SNX8: variants seen among roughly 807,000 people sequenced by gnomAD.
SNX8 encodes the protein sorting nexin 8, also known as sorting nexin-8.
A neutral mutation model predicts 51.6 loss-of-function variants in SNX8; 25 were observed. The ratio of observed to expected loss-of-function variants is 0.48; its 90% confidence interval spans 0.35 to 0.68. The LOEUF (loss-of-function observed/expected upper bound fraction) is 0.68, where lower values mean the gene tolerates loss of function less well. Among genes scored for constraint, SNX8 ranks in the 30% least tolerant of loss-of-function variants. The pLI, the probability that SNX8 is intolerant of heterozygous loss-of-function variation, is 0.00. For synonymous variants in SNX8, 324 were observed against 277.0 expected (o/e 1.17, Z -1.68); for missense variants, 695 against 624.0 (o/e 1.11, Z -1.21).
intron 3 of SNX8, among the ~76,000 whole-genome samples, chr7:2,272,654 G>T (rs532058181): frequency 6.6e-6 from 1 of 152,182 alleles, no homozygotes; most frequent in South Asian, 2.1e-4. Flanking sequence ...GATATTACAG[G>T]CGTAAGCCAC....
chr7:2,284,078 C>T (rs890674060), intron 1 of SNX8, among the ~76,000 whole-genome samples: 72 of 151,986 alleles, frequency 4.7e-4, no homozygotes, highest in Non-Finnish European at 8.8e-4. Flanking sequence ...TACAGGCACC[C>T]GCCACCACGC....
At chr7:2,316,403 A>C (rs35642219), upstream of SNX8, among the ~76,000 whole-genome samples, 37,284 of 146,168 alleles carry the variant, frequency 0.26, 4,784 homozygotes, top group Middle Eastern at 0.46. Flanking sequence ...TCATTCACGC[A>C]ACCACTCACT....
chr7:2,282,280 G>C (rs1795924684), intron 1 of SNX8, among the ~76,000 whole-genome samples: 1 of 152,096 alleles, frequency 6.6e-6, no homozygotes, highest in Non-Finnish European at 1.5e-5. Context: ...TCACAAATTG[G>C]TGCCTTCCAC....
At chr7:2,282,618 A>G (rs1795933041) in intron 1 of SNX8, among the ~76,000 whole-genome samples, 1 of 152,200 alleles carries the variant, frequency 6.6e-6, no homozygotes, top group Admixed American at 6.6e-5. Context: ...AGAGCAGGTG[A>G]GCACTACATT....
intron 8 of SNX8, 37 bp from the exon 9 acceptor site, chr7:2,257,551 A>T (rs1175923434): frequency 6.9e-6 from 11 of 1,598,122 alleles, no homozygotes; most frequent in Non-Finnish European, 9.3e-6. Flanking sequence ...CGCTGTCTGG[A>T]TGCCTGCGCC....
chr7:2,309,124 T>A (rs1345421571), intron 1 of SNX8, among the ~76,000 whole-genome samples: 1 of 151,798 alleles, frequency 6.6e-6, no homozygotes, highest in Non-Finnish European at 1.5e-5. Context: ...GGGGTCTCAC[T>A]CTATTGCCCA....
chr7:2,305,281 A>T (rs1308189688), intron 1 of SNX8, among the ~76,000 whole-genome samples: 1 of 152,216 alleles, frequency 6.6e-6, no homozygotes, highest in East Asian at 1.9e-4. Context: ...GACTTGGGGC[A>T]TGAATACCAA....
chr7:2,335,476 C>T (rs114407257), intron 1 of SNX8, among the ~76,000 whole-genome samples: 1,539 of 150,656 alleles, frequency 0.01, 36 homozygotes, highest in African/African-American at 0.035. Flanking sequence ...TAGCCAGAGC[C>T]CATCTCAATA....
intron 1 of SNX8, among the ~76,000 whole-genome samples, chr7:2,324,182 C>T (rs1277947447): frequency 1.3e-5 from 2 of 151,848 alleles, no homozygotes; most frequent in Non-Finnish European, 2.9e-5. Flanking sequence ...CAGTGGCTCA[C>T]GTCTGTAATC....
intron 1 of SNX8, chr7:2,310,072 T>C (rs1262189177): frequency 1.1e-5 from 4 of 357,270 alleles, no homozygotes; most frequent in South Asian, 6.2e-5. Context: ...AAAGAGTCAA[T>C]GTAGGGCCGC....
chr7:2,321,558 C>G (rs2115225213), intron 1 of SNX8, among the ~76,000 whole-genome samples: 1 of 150,798 alleles, frequency 6.6e-6, no homozygotes, highest in African/African-American at 2.4e-5. Context: ...TCCCAAGTAG[C>G]TGGAATAACA....
At chr7:2,274,915 C>T (rs891128899) in intron 3 of SNX8, 197 bp downstream of exon 3, 4 of 558,628 alleles carry the variant, frequency 7.2e-6, no homozygotes, top group African/African-American at 1.9e-5. Context: ...CCAAGGCTGC[C>T]GGGTGCCAGT....
At chr7:2,284,041 C>A (rs112162511) in intron 1 of SNX8, among the ~76,000 whole-genome samples, 6 of 152,264 alleles carry the variant, frequency 3.9e-5, no homozygotes, top group African/African-American at 1.4e-4. Context: ...GTGATCTACC[C>A]GCCTCTGCTT....
chr7:2,279,611 C>T (rs566372626), intron 1 of SNX8, among the ~76,000 whole-genome samples: 1 of 151,902 alleles, frequency 6.6e-6, no homozygotes, highest in Non-Finnish European at 1.5e-5. Flanking sequence ...ATTAGCCATG[C>T]GTGGTGGCTC....
chr7:2,256,389 C>T (rs1027580552), intron 10 of SNX8, among the ~76,000 whole-genome samples: 1 of 152,210 alleles, frequency 6.6e-6, no homozygotes, highest in Non-Finnish European at 1.5e-5. Flanking sequence ...GCCTGTAATC[C>T]CAGCGGTGCT....
intron 1 of SNX8, among the ~76,000 whole-genome samples, chr7:2,350,526 G>A (rs756906411): frequency 2.4e-4 from 36 of 152,210 alleles, no homozygotes; most frequent in Non-Finnish European, 1.2e-4. Flanking sequence ...CCCCTGGGCC[G>A]AGCGCGGTGG....
chr7:2,260,720 G>C (rs536291545), intron 7 of SNX8, among the ~76,000 whole-genome samples: 1 of 152,118 alleles, frequency 6.6e-6, no homozygotes, highest in Non-Finnish European at 1.5e-5. Context: ...GAAAGGCCTC[G>C]AGGTTTGTTT....
At chr7:2,295,304 T>C (rs1584713422) in intron 1 of SNX8, among the ~76,000 whole-genome samples, 1 of 147,154 alleles carries the variant, frequency 6.8e-6, no homozygotes, top group East Asian at 2.0e-4. Flanking sequence ...CTCGGGAGTC[T>C]GAGGCTCGAG....
rs572189190 is a variant in SNX8 at position 2,267,053 on chromosome 7, G to A, written c.621+2506C>T. On this transcript the variant is annotated intron_variant, in intron 5 of 10. Transcript: ENST00000222990. ...TGAGGGCAGAGCTCAGCCGCAACCC[G>A]GCCCTGCTGCTTAGAGGCTCGGGGC... Among the ~76,000 whole-genome samples, 100 of 152,338 alleles carry A rather than the reference G, an allele frequency of 6.6e-4. 2 individuals carry two copies. In the South Asian group the frequency reaches 0.016, roughly 25 times the overall value.
Sources: allele counts gnomAD v4.1 joint callset (sites outside exome capture counted in the v4.1 genomes callset), GRCh38; gene constraint gnomAD v4.1.1; transcripts MANE v1.5; gene names NCBI Gene and HGNC (gene_info 2026-07-23, HGNC 2026-07-21).